The following PDE10A variants were observed in gnomAD, a reference collection of about 807,000 sequenced individuals.
PDE10A encodes cAMP and cAMP-inhibited cGMP 3',5'-cyclic phosphodiesterase 10A.
In PDE10A, 39 loss-of-function variants were observed where a neutral mutation model predicts 97.7. The observed-to-expected ratio is 0.40, with a 90% CI of 0.31 to 0.52. The LOEUF is 0.52. Ranked by LOEUF, PDE10A falls within the 20% of genes least tolerant of loss-of-function variation. PDE10A has a pLI of 0.56. For synonymous variants in PDE10A, 371 were observed against 376.8 expected (o/e 0.98, Z 0.18); for missense variants, 731 against 1,047.8 (o/e 0.70, Z 4.17).
At chr6:165,342,832 TAGATA>T (rs1232389430) in intron 19 of PDE10A, among the ~76,000 whole-genome samples, 1 of 152,182 alleles carries the variant, frequency 6.6e-6, no homozygotes, top group Non-Finnish European at 1.5e-5. Context: ...ACTGATAAAT[TAGATA>T]AGTCAGTCAA....
rs1399021098 is a variant in PDE10A, at chr6:165,450,273, G to C, written c.1113C>G (p.Leu371=). The C allele has an allele frequency of 6.2e-7, 1 of 1,607,490 alleles. No individual in the cohort carries two copies. Among genetic ancestry groups the C allele is most frequent in the Admixed American group, 1.7e-5 (1 of 59,760 alleles). The change falls in exon 4 of 22, where the codon CTC becomes CTG. Residue 371 remains leucine, a synonymous_variant. Transcript: ENST00000539869. ...RLDTGGDNQL[L]LYELSSIIKI... Reference sequence around the variant, plus strand: ...TAATGATGCTGCTCAGTTCATAGAGGAGTAGCTGGTTGTCTCCTCCTGTGT... The same window carrying C: ...TAATGATGCTGCTCAGTTCATAGAGCAGTAGCTGGTTGTCTCCTCCTGTGT...
chr6:165,665,794 C>T (rs1245352246), upstream of PDE10A, among the ~76,000 whole-genome samples: 3 of 152,012 alleles, frequency 2.0e-5, no homozygotes, highest in Non-Finnish European at 4.4e-5. Flanking sequence ...CTTGTCTGTG[C>T]CTTTTACCAA....
chr6:165,974,852 T>C (rs796679243), intron 1 of PDE10A, among the ~76,000 whole-genome samples: 1 of 152,000 alleles, frequency 6.6e-6, no homozygotes, highest in South Asian at 2.1e-4. Context: ...GAACAGAGGG[T>C]GACTGTCGTG....
intron 2 of PDE10A, among the ~76,000 whole-genome samples, chr6:165,507,120 T>G (rs1583429638): frequency 6.6e-6 from 1 of 152,264 alleles, no homozygotes; most frequent in African/African-American, 2.4e-5. Flanking sequence ...TACCCTGTAC[T>G]TGTGTTTCAT....
intron 13 of PDE10A, among the ~76,000 whole-genome samples, chr6:165,399,275 T>A (rs1786433930): frequency 6.6e-6 from 1 of 152,120 alleles, no homozygotes; most frequent in Non-Finnish European, 1.5e-5. Flanking sequence ...TACTCATACA[T>A]CAACCCAATC....
intron 1 of PDE10A, among the ~76,000 whole-genome samples, chr6:165,747,971 G>C (rs1304669827): frequency 6.6e-6 from 1 of 152,182 alleles, no homozygotes; most frequent in African/African-American, 2.4e-5. Context: ...CTGTGGCAGG[G>C]ACCTTCCAGA....
At chr6:165,843,755 G>T (rs1169059867) in intron 1 of PDE10A, among the ~76,000 whole-genome samples, 2 of 152,208 alleles carry the variant, frequency 1.3e-5, no homozygotes, top group African/African-American at 4.8e-5. Context: ...TGGCGCGACA[G>T]GTGCAGAGAA....
rs115811228 is a variant in PDE10A, at chr6:165,952,194, T to C, written c.-615+35335A>G. 6.8e-3 allele frequency among the ~76,000 whole-genome samples: 1,037 copies of C among 152,336 alleles called. 10 individuals carry two copies. Among genetic ancestry groups the C allele is most frequent in the African/African-American group, 0.024 (990 of 41,584 alleles). ...ACGCCTCTCAGCCAGCAAGCTGCCA[T>C]GCACCCACCAGCAGCCCCCATGGCC... On this transcript the variant is annotated intron_variant, in intron 1 of 19. Coordinates refer to the PDE10A transcript ENST00000366882.
At chr6:165,482,194 G>A (rs1779644129) in intron 3 of PDE10A, 121 bp downstream of exon 3, 3 of 769,064 alleles carry the variant, frequency 3.9e-6, no homozygotes, top group Middle Eastern at 2.4e-4. Flanking sequence ...ATACTTTGGA[G>A]AGGAAACTCA....
intron 1 of PDE10A, among the ~76,000 whole-genome samples, chr6:165,720,340 T>C (rs1792134352): frequency 6.6e-6 from 1 of 152,142 alleles, no homozygotes; most frequent in Non-Finnish European, 1.5e-5. Context: ...CACTGATAGT[T>C]TATAAAAGCC....
At chr6:165,774,549 T>C (rs1778111529) in intron 1 of PDE10A, among the ~76,000 whole-genome samples, 1 of 147,904 alleles carries the variant, frequency 6.8e-6, no homozygotes, top group Non-Finnish European at 1.5e-5. Flanking sequence ...TATATACAAA[T>C]ATATAAAACA....
rs143099783 is a variant in PDE10A, at chr6:165,485,749, T to C, written c.995-3406A>G. ...CTGGGACTGCAGGCGCCCGCCACCA[T>C]GCCTGACTAATTTTTTGTATTTTTA... is the stretch of plus-strand genomic sequence containing the variant. On this transcript the variant is annotated intron_variant, in intron 2 of 21. Transcript: ENST00000539869. Among the ~76,000 whole-genome samples the C allele has an allele frequency of 5.9e-3, 902 of 152,008 alleles. 8 individuals carry two copies. Among genetic ancestry groups the C allele is most frequent in the Middle Eastern group, 0.024 (7 of 294 alleles).
intron 1 of PDE10A, among the ~76,000 whole-genome samples, chr6:165,889,668 C>A (rs913596562): frequency 6.6e-6 from 1 of 152,156 alleles, no homozygotes; most frequent in Non-Finnish European, 1.5e-5. Context: ...TCTCAGAAAT[C>A]CTCCTTCTGT....
intron 1 of PDE10A, among the ~76,000 whole-genome samples, chr6:165,782,341 C>G (rs1390343471): frequency 6.6e-6 from 1 of 152,196 alleles, no homozygotes; most frequent in Admixed American, 6.5e-5. Flanking sequence ...AGTCTCCTCC[C>G]TTACTTCAGT....
chr6:165,879,078 A>T (rs1158046059), intron 1 of PDE10A, among the ~76,000 whole-genome samples: 1 of 152,146 alleles, frequency 6.6e-6, no homozygotes, highest in African/African-American at 2.4e-5. Context: ...GTCAGTCTGA[A>T]ATTTGGGGGT....
intron 1 of PDE10A, among the ~76,000 whole-genome samples, chr6:165,925,751 T>C (rs2128489423): frequency 6.6e-6 from 1 of 152,352 alleles, no homozygotes; most frequent in East Asian, 1.9e-4. Flanking sequence ...TGTGGCTGTT[T>C]GAGGTCAGCA....
intron 9 of PDE10A, among the ~76,000 whole-genome samples, chr6:165,429,039 TAATA>T (rs1356471777): frequency 6.6e-6 from 1 of 152,094 alleles, no homozygotes; most frequent in African/African-American, 2.4e-5. Context: ...CCACCATATT[TAATA>T]TTTTCATTAA....
At chr6:165,691,112 C>T (rs1422562021) in intron 1 of PDE10A, among the ~76,000 whole-genome samples, 28 of 76,362 alleles carry the variant, frequency 3.7e-4, no homozygotes, top group South Asian at 1.4e-3. Flanking sequence ...TCTCTCCCCC[C>T]CCCCATCAGT....
intron 2 of PDE10A, among the ~76,000 whole-genome samples, chr6:165,488,779 C>T (rs221728): frequency 0.73 from 110,845 of 152,048 alleles, 41,421 homozygotes; most frequent in African/African-American, 0.9. Flanking sequence ...GCAGGCTCCA[C>T]GGGAGCTGGG....
Sources: gnomAD v4.1 joint callset for allele counts (sites outside exome capture counted in the v4.1 genomes callset) on GRCh38, gnomAD v4.1.1 for gene constraint, MANE v1.5 for transcripts, NCBI Gene and HGNC (gene_info 2026-07-23, HGNC 2026-07-21) for gene names.